SEC61B: variants seen among roughly 807,000 people sequenced by gnomAD.
SEC61B encodes protein transport protein Sec61 subunit beta.
Under a neutral mutation model 12.6 loss-of-function variants are expected in SEC61B, and 7 were observed. The observed-to-expected ratio is 0.55, with a 90% CI of 0.32 to 1.04. The LOEUF (loss-of-function observed/expected upper bound fraction) is 1.04, where lower values mean the gene tolerates loss of function less well. SEC61B is among the 50% of genes least tolerant of loss of function. The probability of loss-of-function intolerance (pLI) is 0.05; values close to 1 mark genes in which losing one functional copy is unlikely to be tolerated. For synonymous variants in SEC61B, 54 were observed against 50.1 expected (o/e 1.08, Z -0.33); for missense variants, 107 against 130.1 (o/e 0.82, Z 0.86).
chr9:99,222,294 T>TCG lies in SEC61B; in HGVS notation c.-70_-69insCG. The TCG allele has an allele frequency of 6.2e-7, 1 of 1,612,438 alleles. No homozygotes were observed. Among genetic ancestry groups the TCG allele is most frequent in the Non-Finnish European group, 8.5e-7 (1 of 1,178,572 alleles). On this transcript the variant is annotated 5_prime_UTR_variant, in exon 1 of 4. Coordinates refer to ENST00000223641, the MANE Select transcript of SEC61B (RefSeq NM_006808.3). ...CGGGGCCTGAGTCAGTCTCGCCAGC[T>TCG]GCCGGTCTTTCGGGGGCTCCGTAAC...
chr9:99,228,116 G>T, intron 3 of SEC61B, 116 bp downstream of exon 3: 2 of 745,690 alleles, frequency 2.7e-6, no homozygotes, highest in East Asian at 2.8e-5. Context: ...GTACACAACA[G>T]CCTCATTTGT....
At chr9:99,225,236 G>A (rs982380956) in intron 2 of SEC61B, among the ~76,000 whole-genome samples, 2 of 152,190 alleles carry the variant, frequency 1.3e-5, no homozygotes, top group African/African-American at 2.4e-5. Context: ...GAGATCAAAC[G>A]CAAGGAAAAT....
At chr9:99,228,042 G>A (rs562432385) in intron 3 of SEC61B, 42 bp downstream of exon 3, 2 of 1,462,240 alleles carry the variant, frequency 1.4e-6, no homozygotes, top group African/African-American at 1.4e-5. Flanking sequence ...TCCAGTGGCA[G>A]CAGAGCAGCA....
chr9:99,222,678 C>A (rs1397749374), intron 2 of SEC61B, 35 bp downstream of exon 2: 1 of 1,403,418 alleles, frequency 7.1e-7, no homozygotes. Flanking sequence ...CTTCCAGACT[C>A]GGAGATAGGA....
intron 1 of SEC61B, 44 bp from the exon 2 acceptor site, chr9:99,222,502 G>C: frequency 6.2e-7 from 1 of 1,603,750 alleles, no homozygotes; most frequent in South Asian, 1.1e-5. Context: ...TTCTGGGGCA[G>C]GCCTGCCGCG....
chr9:99,222,394 C>A (rs200822090), intron 1 of SEC61B, 28 bp downstream of exon 1: 1 of 1,614,174 alleles, frequency 6.2e-7, no homozygotes. Flanking sequence ...TGATCCCCGC[C>A]TCTCCCAGAA....
intron 3 of SEC61B, among the ~76,000 whole-genome samples, chr9:99,228,694 T>C (rs1353290197): frequency 6.6e-6 from 1 of 152,236 alleles, no homozygotes; most frequent in Non-Finnish European, 1.5e-5. Flanking sequence ...ACTCGGTGGA[T>C]GAGGATTCGA....
At chr9:99,229,247 G>A (rs1240777287) in intron 3 of SEC61B, among the ~76,000 whole-genome samples, 2 of 152,124 alleles carry the variant, frequency 1.3e-5, no homozygotes, top group Non-Finnish European at 2.9e-5. Context: ...TCTTGGGGTT[G>A]GGGATATGTG....
intron 3 of SEC61B, among the ~76,000 whole-genome samples, chr9:99,229,607 A>G (rs1174009243): frequency 2.0e-5 from 3 of 152,200 alleles, no homozygotes; most frequent in Non-Finnish European, 1.5e-5. Context: ...GATTATAGGC[A>G]TGAGAGGGAA....
chr9:99,222,444 T>C lies in SEC61B; in HGVS notation c.3+78T>C, dbSNP rs1465313817. The C allele has an allele frequency of 9.3e-6, 15 of 1,609,636 alleles. No individual in the cohort carries two copies. The East Asian group carries it at 2.7e-4, about 29-fold the overall frequency. On this transcript the variant is annotated intron_variant, in intron 1 of 3. Transcript: ENST00000223641. ...TGCTTTGCGCCGTGCTTTTCCTCTG[T>C]AGCTCCCTTGCTTCCCCCAGCCTCG...
chr9:99,230,603 T>C lies in SEC61B; in HGVS notation c.*179T>C. 2 of 542,472 alleles carry C rather than the reference T, an allele frequency of 3.7e-6. No homozygotes were observed. Among genetic ancestry groups the C allele is most frequent in the Non-Finnish European group, 6.5e-6 (2 of 308,870 alleles). 33.6% of individuals were successfully genotyped at this position (542,472 alleles called of 1,614,324 possible). ...TTTTTTCTATGGCTAATAAACTTTT[T>C]AATTCACTTATACTGAGTCTGATCG... On this transcript the variant is annotated 3_prime_UTR_variant, in exon 4 of 4. Coordinates refer to ENST00000223641, the MANE Select transcript of SEC61B (RefSeq NM_006808.3).
Position 99,222,342 on chromosome 9 carries a change from C to G in SEC61B, c.-22C>G. 6.2e-7 allele frequency: 1 copy of G among 1,614,194 alleles called. No homozygotes were observed. The highest frequency in any genetic ancestry group is 1.1e-5 in the South Asian group (1 of 91,088). ...AACTTTCTATCCGTCCGCGTCAGCG[C>G]CTTGCCACCCTCATCTCCAATATGG... On this transcript the variant is annotated 5_prime_UTR_variant, in exon 1 of 4. Coordinates refer to ENST00000223641, the MANE Select transcript of SEC61B (RefSeq NM_006808.3).
At chr9:99,224,778 A>G (rs990647382) in intron 2 of SEC61B, among the ~76,000 whole-genome samples, 1 of 152,200 alleles carries the variant, frequency 6.6e-6, no homozygotes, top group Non-Finnish European at 1.5e-5. Context: ...GTATAATGTA[A>G]TAAGTATTGG....
intron 2 of SEC61B, among the ~76,000 whole-genome samples, chr9:99,225,775 A>G (rs1828887741): frequency 6.6e-6 from 1 of 152,188 alleles, no homozygotes; most frequent in South Asian, 2.1e-4. Context: ...AAGAAATCTT[A>G]AGAGAAGCCA....
At chr9:99,227,265 CAAAA>C (rs59719935) in intron 2 of SEC61B, among the ~76,000 whole-genome samples, 1 of 10,738 alleles carries the variant, frequency 9.3e-5, no homozygotes, top group African/African-American at 3.3e-4. Context: ...AACTCCATCT[CAAAA>C]AAAAAAAAAA....
chr9:99,226,120 A>G lies in SEC61B; in HGVS notation c.102-1779A>G, dbSNP rs569523275. On this transcript the variant is annotated intron_variant, in intron 2 of 3. Transcript: ENST00000223641. ...GGAATGGTCACACAATGAAGTTTTA[A>G]GTTCCCAGGCTACCACGTAGTCCAT... Among the ~76,000 whole-genome samples the G allele has an allele frequency of 1.1e-4, 16 of 152,346 alleles. 1 individual carries two copies. The South Asian group carries it at 3.3e-3, about 32-fold the overall frequency.
At position 99,227,933 on chromosome 9, in the gene SEC61B, C is replaced by T. The variant is rs998075578; in HGVS notation, c.136C>T (p.Arg46Cys). The change falls in exon 3 of 4, where the codon CGC becomes TGC. Residue 46 changes from arginine to cysteine, a missense_variant. By Grantham distance (180) the Arg-to-Cys change is radical. Transcript: ENST00000223641. ...CAGCTGTGGGACAAGGAGTGCAGGC[C>T]GCACAACCTCGGCAGGCACCGGGGG... is the stretch of plus-strand genomic sequence containing the variant. ...NASCGTRSAGRTTSAGTGGMW... is the reference protein window; with the variant it reads ...NASCGTRSAGCTTSAGTGGMW... The T allele has an allele frequency of 6.2e-6, 10 of 1,613,948 alleles. No individual in the cohort carries two copies. The highest frequency in any genetic ancestry group is 8.5e-6 in the Non-Finnish European group (10 of 1,180,010).
intron 3 of SEC61B, among the ~76,000 whole-genome samples, chr9:99,228,938 TA>T (rs1828930018): frequency 6.6e-6 from 1 of 152,190 alleles, no homozygotes; most frequent in Admixed American, 6.5e-5. Context: ...TCCATCTAGT[TA>T]AAATAAAAAA....
intron 2 of SEC61B, among the ~76,000 whole-genome samples, chr9:99,227,448 G>C (rs1473711349): frequency 6.6e-6 from 1 of 152,118 alleles, no homozygotes; most frequent in Non-Finnish European, 1.5e-5. Context: ...AGATCAGCTT[G>C]TATGGATTCA....
Sources: gnomAD v4.1 joint callset for allele counts (sites outside exome capture counted in the v4.1 genomes callset) on GRCh38, gnomAD v4.1.1 for gene constraint, MANE v1.5 for transcripts, NCBI Gene and HGNC (gene_info 2026-07-23, HGNC 2026-07-21) for gene names.